CAST: variants seen among roughly 807,000 people sequenced by gnomAD.
CAST encodes the protein calpastatin, also known as MIR583 host.
Under a neutral mutation model 119.6 loss-of-function variants are expected in CAST, and 76 were observed. The ratio of observed to expected loss-of-function variants is 0.64; its 90% CI spans 0.53 to 0.77. The LOEUF is 0.77. CAST is among the 30% of genes least tolerant of loss of function. The pLI is 0.00. For synonymous variants in CAST, 319 were observed against 331.6 expected, an observed-to-expected ratio of 0.96 and a Z score of 0.41; for missense variants, 953 against 946.5, an observed-to-expected ratio of 1.01 and a Z score of -0.09.
chr5:96,619,601 C>G (rs571348863), intron 1 of CAST, among the ~76,000 whole-genome samples: 1 of 152,196 alleles, frequency 6.6e-6, no homozygotes, highest in African/African-American at 2.4e-5. Flanking sequence ...GTCTGCGCTT[C>G]CTTTATGAGC....
chr5:96,631,733 C>T (rs1243166054), intron 1 of CAST, among the ~76,000 whole-genome samples: 2 of 151,932 alleles, frequency 1.3e-5, no homozygotes, highest in Non-Finnish European at 2.9e-5. Flanking sequence ...GGGGTTTCAC[C>T]GTGTTAGCCA....
chr5:96,417,243 A>G, the CAST span, among the ~76,000 whole-genome samples: 13 of 152,198 alleles, frequency 8.5e-5, no homozygotes, highest in Non-Finnish European at 1.3e-4. Context: ...AGCAAAGATG[A>G]TTTCCTGGTC....
At chr5:96,643,395 T>C (rs1330704352) in intron 1 of CAST, among the ~76,000 whole-genome samples, 1 of 152,184 alleles carries the variant, frequency 6.6e-6, no homozygotes. Context: ...TAGTTGTTTA[T>C]GGCTGGTGAG....
In CAST at chr5:96,737,816, A is replaced by G. The variant is rs983635570; in HGVS notation, c.700-33A>G. The G allele has an allele frequency of 1.0e-5, 13 of 1,255,006 alleles. No individual in the cohort carries two copies. The African/African-American group carries it at 1.8e-4, about 17-fold the overall frequency. The allele number at this position is 1,255,006 out of a possible 1,614,324, so 77.7% of individuals were successfully genotyped here. A position where few individuals can be genotyped will look rare whatever the true frequency, so the allele number is the denominator to read the frequency against. ...ACTAAAGGTGAAATATGTATAACAA[A>G]TAACATTTAAATATCTGTTCTTTCT... On this transcript the variant is annotated intron_variant, in intron 10 of 31. Coordinates refer to ENST00000675179, the MANE Select transcript of CAST (RefSeq NM_001750.7).
At chr5:96,077,414 G>A in the CAST span, among the ~76,000 whole-genome samples, 6 of 152,146 alleles carry the variant, frequency 3.9e-5, no homozygotes, top group African/African-American at 1.4e-4. Context: ...GCATTTCTTT[G>A]ATTATTAGGC....
At chr5:96,566,618 G>T (rs374573917) in intron 1 of CAST, among the ~76,000 whole-genome samples, 20 of 152,298 alleles carry the variant, frequency 1.3e-4, no homozygotes, top group African/African-American at 4.8e-4. Flanking sequence ...AGAGCACTGA[G>T]CTAGGCACTA....
At chr5:96,633,033 G>C (rs1238688238) in intron 1 of CAST, among the ~76,000 whole-genome samples, 1 of 152,082 alleles carries the variant, frequency 6.6e-6, no homozygotes, top group Non-Finnish European at 1.5e-5. Context: ...GTGCAGTGGC[G>C]CAATCTCAGC....
chr5:96,148,966 C>T, the CAST span, among the ~76,000 whole-genome samples: 1 of 152,182 alleles, frequency 6.6e-6, no homozygotes, highest in Non-Finnish European at 1.5e-5. Context: ...GTCTAAATTT[C>T]TATTGCAGAA....
intron 31 of CAST, chr5:96,772,334 T>TA (rs1326524784): frequency 6.5e-6 from 1 of 153,372 alleles, no homozygotes; most frequent in East Asian, 1.9e-4. Flanking sequence ...ATGTAAGCCT[T>TA]AAAAGCATAC....
At chr5:96,296,098 G>A in the CAST span, among the ~76,000 whole-genome samples, 1 of 152,132 alleles carries the variant, frequency 6.6e-6, no homozygotes, top group African/African-American at 2.4e-5. Flanking sequence ...GTTTTGTATA[G>A]TTTTTCCTGT....
rs781717789 is a variant in CAST at position 96,748,558 on chromosome 5, A to T, written c.1373A>T (p.Asp458Val). The T allele has an allele frequency of 1.2e-5, 19 of 1,589,622 alleles. No individual in the cohort carries two copies. The African/African-American group carries it at 2.2e-4, about 18-fold the overall frequency. ...ESELIDELSE[D>V]FDRSECKEKP... ...GAACTCATTGATGAACTTTCAGAAGATTTTGACCGGTCTGAATGTAAAGAG... is the reference window on the plus strand; with the variant it reads ...GAACTCATTGATGAACTTTCAGAAGTTTTTGACCGGTCTGAATGTAAAGAG... The change falls in exon 19 of 32, where the codon GAT (aspartate) becomes GTT (valine). Residue 458 changes from aspartate to valine, a missense_variant. By Grantham distance (152) the Asp-to-Val change is radical. Coordinates refer to ENST00000675179, the MANE Select transcript of CAST (RefSeq NM_001750.7).
chr5:96,438,310 C>T, the CAST span, among the ~76,000 whole-genome samples: 1 of 152,168 alleles, frequency 6.6e-6, no homozygotes, highest in Non-Finnish European at 1.5e-5. Context: ...CTGGGGTTTA[C>T]ATCTGGTGTA....
At chr5:96,139,884 C>T in the CAST span, among the ~76,000 whole-genome samples, 2,386 of 152,142 alleles carry the variant, frequency 0.016, 49 homozygotes, top group African/African-American at 0.054. Context: ...AGGGCAAACT[C>T]TCATCAGACA....
At chr5:96,207,359 G>T in the CAST span, among the ~76,000 whole-genome samples, 33 of 152,002 alleles carry the variant, frequency 2.2e-4, no homozygotes, top group African/African-American at 7.5e-4. Context: ...GTGGTGAAAG[G>T]GGGCATCTTT....
the CAST span, among the ~76,000 whole-genome samples, chr5:96,094,785 A>C: frequency 1.3e-5 from 2 of 152,184 alleles, no homozygotes; most frequent in Admixed American, 1.3e-4. Flanking sequence ...TACATGTTTT[A>C]TTTTTAAATT....
At chr5:96,094,052 TG>T in the CAST span, among the ~76,000 whole-genome samples, 1 of 151,728 alleles carries the variant, frequency 6.6e-6, no homozygotes, top group Non-Finnish European at 1.5e-5. Context: ...AAAAACTATT[TG>T]TAAGGAAGTT....
At chr5:96,244,089 A>C in the CAST span, among the ~76,000 whole-genome samples, 1 of 152,224 alleles carries the variant, frequency 6.6e-6, no homozygotes, top group African/African-American at 2.4e-5. Flanking sequence ...CACTGCCCTA[A>C]GGCACTCCCT....
At chr5:96,665,783 T>C (rs571321971) in intron 1 of CAST, among the ~76,000 whole-genome samples, 1 of 151,666 alleles carries the variant, frequency 6.6e-6, no homozygotes, top group East Asian at 2.0e-4. Flanking sequence ...CATACAAACA[T>C]ATACAATCCA....
the CAST span, among the ~76,000 whole-genome samples, chr5:96,123,694 A>G: frequency 2.0e-5 from 3 of 152,172 alleles, no homozygotes; most frequent in Admixed American, 6.6e-5. Flanking sequence ...CACATTGCAA[A>G]ATAGTTTTAA....
Sources: allele counts gnomAD v4.1 joint callset (sites outside exome capture counted in the v4.1 genomes callset), GRCh38; gene constraint gnomAD v4.1.1; transcripts MANE v1.5; gene names NCBI Gene and HGNC (gene_info 2026-07-23, HGNC 2026-07-21).